Variants in CRPPA observed in about 807,000 individuals in gnomAD.
The protein encoded by CRPPA is D-ribitol-5-phosphate cytidylyltransferase.
A neutral mutation model predicts 52.0 loss-of-function variants in CRPPA; 43 were observed. That is an observed-to-expected ratio of 0.83 (90% CI 0.65 to 1.07). The LOEUF (loss-of-function observed/expected upper bound fraction) is 1.07. Among genes scored for constraint, CRPPA ranks in the 50% least tolerant of loss-of-function variants. CRPPA has a pLI of 0.00. For synonymous variants in CRPPA, 250 were observed against 203.5 expected, an observed-to-expected ratio of 1.23 and a Z score of -1.94; for missense variants, 629 against 551.7, an observed-to-expected ratio of 1.14 and a Z score of -1.40.
chr7:16,321,392 T>C (rs1346060859), intron 3 of CRPPA, among the ~76,000 whole-genome samples: 3 of 152,212 alleles, frequency 2.0e-5, no homozygotes, highest in South Asian at 4.1e-4. Context: ...ATTAACCTTA[T>C]ATGACAACAC....
At chr7:16,146,002 C>T (rs1583388668) in intron 9 of CRPPA, among the ~76,000 whole-genome samples, 1 of 152,002 alleles carries the variant, frequency 6.6e-6, no homozygotes, top group East Asian at 1.9e-4. Context: ...ATTAAGAGGT[C>T]TTCACCCAGT....
chr7:16,141,648 A>G (rs1038850401), intron 9 of CRPPA, among the ~76,000 whole-genome samples: 3 of 152,206 alleles, frequency 2.0e-5, no homozygotes, highest in African/African-American at 7.2e-5. Context: ...GGATTCTTTA[A>G]TCACTACATT....
chr7:16,165,461 T>C (rs1440350623), intron 9 of CRPPA, among the ~76,000 whole-genome samples: 1 of 152,202 alleles, frequency 6.6e-6, no homozygotes, highest in African/African-American at 2.4e-5. Flanking sequence ...TATGTTCAGT[T>C]ATCATCAGTT....
At position 16,389,913 on chromosome 7, in the gene CRPPA, C is replaced by CAAAAAAAAAAAAAAAAAAAA. The variant is rs1163092089; in HGVS notation, c.535-13673_535-13672insTTTTTTTTTTTTTTTTTTTT. On this transcript the variant is annotated intron_variant, in intron 2 of 9. Coordinates refer to ENST00000407010, the MANE Select transcript of CRPPA (RefSeq NM_001101426.4). ...GGATACAGAGAACAAGCCTAGTATA[C>CAAAAAAAAAAAAAAAAAAAA]AAAAAAAAAAAAAAAATATATATAT... Among the ~76,000 whole-genome samples the CAAAAAAAAAAAAAAAAAAAA allele has an allele frequency of 1.6e-3, 55 of 34,292 alleles. 2 individuals carry two copies. The highest frequency in any genetic ancestry group is 3.4e-3 in the South Asian group (2 of 582). The allele number at this position is 34,292 out of a possible 152,430, so 22.5% of individuals were successfully genotyped here. A position where few individuals can be genotyped will look rare whatever the true frequency, so the allele number is the denominator to read the frequency against.
intron 3 of CRPPA, among the ~76,000 whole-genome samples, chr7:16,342,798 T>TAGATAGATAGATAGATAG (rs1491461185): frequency 0.076 from 7,720 of 101,208 alleles, 1,635 homozygotes; most frequent in African/African-American, 0.21. Context: ...TATATATATA[T>TAGATAGATAGATAGATAG]CTATATAGAT....
chr7:16,126,481 T>A (rs939871087), intron 9 of CRPPA, among the ~76,000 whole-genome samples: 2 of 152,152 alleles, frequency 1.3e-5, no homozygotes, highest in Non-Finnish European at 2.9e-5. Flanking sequence ...AAAAGGCCAA[T>A]ACCATGAAAG....
chr7:16,208,417 G>C (rs1372519540), intron 9 of CRPPA, among the ~76,000 whole-genome samples: 2 of 151,910 alleles, frequency 1.3e-5, no homozygotes, highest in Non-Finnish European at 2.9e-5. Flanking sequence ...ACATGAGTTG[G>C]AAAAACAATA....
intron 8 of CRPPA, among the ~76,000 whole-genome samples, chr7:16,235,700 A>T (rs1368642519): frequency 6.6e-6 from 1 of 152,106 alleles, no homozygotes; most frequent in Non-Finnish European, 1.5e-5. Flanking sequence ...CAGGCAAAGA[A>T]AGGGCTTGAG....
intron 9 of CRPPA, among the ~76,000 whole-genome samples, chr7:16,124,187 G>A (rs973595006): frequency 2.1e-5 from 3 of 146,280 alleles, no homozygotes; most frequent in African/African-American, 7.7e-5. Context: ...CCAATGGTGT[G>A]TACGAGTTCC....
intron 2 of CRPPA, among the ~76,000 whole-genome samples, chr7:16,394,439 G>C (rs922123143): frequency 3.9e-5 from 6 of 152,024 alleles, no homozygotes; most frequent in African/African-American, 1.4e-4. Context: ...TACAACTAAA[G>C]AGAAAAGTGA....
intron 3 of CRPPA, among the ~76,000 whole-genome samples, chr7:16,365,869 G>A (rs1179013714): frequency 2.6e-5 from 4 of 152,090 alleles, no homozygotes; most frequent in Non-Finnish European, 4.4e-5. Flanking sequence ...TACCTAGGAT[G>A]TATACAAAAC....
intron 3 of CRPPA, among the ~76,000 whole-genome samples, chr7:16,310,156 G>A (rs1409329681): frequency 2.0e-5 from 3 of 152,060 alleles, no homozygotes; most frequent in African/African-American, 7.3e-5. Flanking sequence ...TTCACCATGG[G>A]GGGGTTATAG....
At chr7:16,176,247 C>A (rs768710249) in intron 9 of CRPPA, among the ~76,000 whole-genome samples, 1 of 151,838 alleles carries the variant, frequency 6.6e-6, no homozygotes, top group African/African-American at 2.4e-5. Context: ...GAGAGAAGAC[C>A]AAATGTCAGT....
intron 8 of CRPPA, among the ~76,000 whole-genome samples, chr7:16,243,501 C>T (rs1019462473): frequency 9.2e-5 from 14 of 152,056 alleles, no homozygotes; most frequent in African/African-American, 3.1e-4. Context: ...CTCCTTAAAT[C>T]ATGCTAAATA....
At chr7:16,274,081 G>T (rs574542558) in intron 6 of CRPPA, among the ~76,000 whole-genome samples, 2 of 152,048 alleles carry the variant, frequency 1.3e-5, no homozygotes, top group Non-Finnish European at 2.9e-5. Flanking sequence ...ACGGAGTCTC[G>T]CTCTGTCGCC....
At chr7:16,228,472 G>A (rs962339712) in intron 8 of CRPPA, among the ~76,000 whole-genome samples, 1 of 151,776 alleles carries the variant, frequency 6.6e-6, no homozygotes, top group Non-Finnish European at 1.5e-5. Flanking sequence ...TGCTTTTACT[G>A]TATCCCATAG....
chr7:16,254,923 A>G (rs188842640), intron 8 of CRPPA, among the ~76,000 whole-genome samples: 1 of 152,102 alleles, frequency 6.6e-6, no homozygotes, highest in Non-Finnish European at 1.5e-5. Flanking sequence ...TCAACATAGT[A>G]TTGGAAGTTC....
chr7:16,418,261 G>T (rs932842047), intron 1 of CRPPA, among the ~76,000 whole-genome samples: 1 of 152,130 alleles, frequency 6.6e-6, no homozygotes, highest in Non-Finnish European at 1.5e-5. Flanking sequence ...ACATAATAGT[G>T]ATAAAAATGA....
chr7:16,366,215 C>G (rs1164320319), intron 3 of CRPPA, among the ~76,000 whole-genome samples: 2 of 152,154 alleles, frequency 1.3e-5, no homozygotes. Context: ...CCGTCATGAT[C>G]TAATCACCTC....
Sources: allele counts gnomAD v4.1 joint callset (sites outside exome capture counted in the v4.1 genomes callset), GRCh38; gene constraint gnomAD v4.1.1; transcripts MANE v1.5; gene names NCBI Gene and HGNC (gene_info 2026-07-23, HGNC 2026-07-21).